The following TRIP4 variants were observed in gnomAD, a reference collection of about 807,000 sequenced individuals.
TRIP4 encodes the protein thyroid hormone receptor interactor 4.
TRIP4 carries 54 observed loss-of-function variants against 81.8 expected under a neutral mutation model. The ratio of observed to expected loss-of-function variants is 0.66; its 90% confidence interval spans 0.53 to 0.83. The LOEUF (loss-of-function observed/expected upper bound fraction) is 0.83, where lower values mean the gene tolerates loss of function less well. Among genes scored for constraint, TRIP4 ranks in the 40% least tolerant of loss-of-function variants. The pLI, the probability that TRIP4 is intolerant of heterozygous loss-of-function variation, is 0.00. For synonymous variants in TRIP4, 270 were observed against 242.8 expected (o/e 1.11, Z -1.04); for missense variants, 662 against 683.6 (o/e 0.97, Z 0.35).
chr15:64,396,956 T>C (rs776623566), intron 3 of TRIP4, among the ~76,000 whole-genome samples: 1 of 152,242 alleles, frequency 6.6e-6, no homozygotes, highest in Non-Finnish European at 1.5e-5. Flanking sequence ...TTTAGTGGTA[T>C]TGCATTTTGT....
chr15:64,424,325 A>C, intron 10 of TRIP4, 170 bp downstream of exon 10: 1 of 882,678 alleles, frequency 1.1e-6, no homozygotes, highest in East Asian at 2.7e-5. Context: ...TCAAAGCATT[A>C]ATCTGTCAAA....
intron 9 of TRIP4, among the ~76,000 whole-genome samples, chr15:64,421,173 T>C (rs1290391964): frequency 6.6e-5 from 10 of 150,666 alleles, no homozygotes; most frequent in Admixed American, 6.6e-4. Context: ...TCCCAGCTAC[T>C]CAAGAGGCTG....
At chr15:64,435,734 A>G (rs979412115) in intron 11 of TRIP4, among the ~76,000 whole-genome samples, 4 of 148,680 alleles carry the variant, frequency 2.7e-5, no homozygotes, top group African/African-American at 1.0e-4. Flanking sequence ...CTATCACATG[A>G]ATAGTGGAAT....
chr15:64,394,102 C>T lies in TRIP4; in HGVS notation c.258C>T (p.Cys86=), dbSNP rs150827497. 1.8e-3 allele frequency: 2,798 copies of T among 1,591,892 alleles called. 13 individuals are homozygous for T. The highest frequency in any genetic ancestry group is 1.9e-3 in the Non-Finnish European group (2,176 of 1,169,502). The part of the protein sequence containing the change: ...QELISDPLQQ[C]FKKDEILDGQ... Reference sequence around the variant, plus strand: ...TGATTTCGGATCCTTTGCAGCAGTGCTTCAAAAAAGATGGTAAGTTAATGT... The same window carrying T: ...TGATTTCGGATCCTTTGCAGCAGTGTTTCAAAAAAGATGGTAAGTTAATGT... Residue 86 remains cysteine (C), a synonymous_variant, in exon 2 of 13, where the codon TGC becomes TGT. Transcript: ENST00000261884.
Position 64,406,389 on chromosome 15 carries a change from T to C in TRIP4, c.757T>C (p.Leu253=), listed in dbSNP as rs761578993. The C allele has an allele frequency of 1.9e-6, 3 of 1,614,060 alleles. No homozygotes were observed. Among genetic ancestry groups the C allele is most frequent in the Non-Finnish European group, 2.5e-6 (3 of 1,180,034 alleles). ...CAAGGACCTTCTTCCTCATCAAGAATTGCGAATTAAGTCTGGTCTGGAGAA... is the reference window on the plus strand; with the variant it reads ...CAAGGACCTTCTTCCTCATCAAGAACTGCGAATTAAGTCTGGTCTGGAGAA... ...STKDLLPHQE[L]RIKSGLEKAI... Residue 253 remains leucine, a synonymous_variant, in exon 6 of 13, where the codon TTG becomes CTG. Coordinates refer to ENST00000261884, the MANE Select transcript of TRIP4 (RefSeq NM_016213.5).
intron 5 of TRIP4, among the ~76,000 whole-genome samples, chr15:64,404,586 C>T (rs1891582564): frequency 6.6e-6 from 1 of 152,140 alleles, no homozygotes; most frequent in South Asian, 2.1e-4. Flanking sequence ...GCTGGGATTA[C>T]AGGCATGAAC....
intron 12 of TRIP4, chr15:64,450,650 T>C (rs749366223): frequency 2.2e-6 from 1 of 455,844 alleles, no homozygotes; most frequent in South Asian, 1.5e-5. Context: ...TTGGCAAATG[T>C]CTGATTTTTT....
chr15:64,423,496 G>T (rs1036158858), intron 9 of TRIP4, among the ~76,000 whole-genome samples: 5 of 150,604 alleles, frequency 3.3e-5, no homozygotes, highest in African/African-American at 1.2e-4. Context: ...AAGCAAATGG[G>T]TGTGGTTCTA....
At chr15:64,398,818 A>G (rs541522047) in intron 4 of TRIP4, among the ~76,000 whole-genome samples, 1 of 152,202 alleles carries the variant, frequency 6.6e-6, no homozygotes, top group South Asian at 2.1e-4. Flanking sequence ...CTAGAAAGCT[A>G]ATTTTACCAA....
chr15:64,403,095 C>T (rs1281836648), intron 5 of TRIP4, among the ~76,000 whole-genome samples: 2 of 151,866 alleles, frequency 1.3e-5, no homozygotes, highest in South Asian at 4.2e-4. Flanking sequence ...ATCTCCTGAC[C>T]TTGTGATCCA....
At chr15:64,425,473 C>A in intron 10 of TRIP4, 67 bp from the exon 11 acceptor site, 1 of 1,323,036 alleles carries the variant, frequency 7.6e-7, no homozygotes, top group Non-Finnish European at 1.1e-6. Flanking sequence ...GAATTGAAAA[C>A]AGATTCCTGA....
chr15:64,452,820 A>G (rs1892800908), intron 12 of TRIP4, among the ~76,000 whole-genome samples: 1 of 152,166 alleles, frequency 6.6e-6, no homozygotes, highest in African/African-American at 2.4e-5. Flanking sequence ...GAGTTGATAA[A>G]AATTGAGGAC....
At chr15:64,421,728 T>C (rs748698271) in intron 9 of TRIP4, among the ~76,000 whole-genome samples, 1 of 152,184 alleles carries the variant, frequency 6.6e-6, no homozygotes, top group Non-Finnish European at 1.5e-5. Context: ...TACAGTAACA[T>C]GCTGTACCAG....
At chr15:64,395,940 G>C (rs1976062) in intron 3 of TRIP4, among the ~76,000 whole-genome samples, 1 of 150,128 alleles carries the variant, frequency 6.7e-6, no homozygotes. Context: ...ACAGAGTCTC[G>C]CTCTGTCGCC....
chr15:64,432,591 CAG>C (rs1428069606), intron 11 of TRIP4, among the ~76,000 whole-genome samples: 3 of 151,706 alleles, frequency 2.0e-5, no homozygotes, highest in Admixed American at 1.3e-4. Context: ...GCCTGGGTGA[CAG>C]AGCAAGACTC....
chr15:64,454,853 C>A, intron 12 of TRIP4, 144 bp from the exon 13 acceptor site: 1 of 677,398 alleles, frequency 1.5e-6, no homozygotes, highest in Non-Finnish European at 2.6e-6. Flanking sequence ...CAGAATGAAA[C>A]TCTGAAGTTT....
chr15:64,396,182 T>A (rs1055672019), intron 3 of TRIP4, among the ~76,000 whole-genome samples: 4 of 151,782 alleles, frequency 2.6e-5, no homozygotes, highest in African/African-American at 9.7e-5. Flanking sequence ...GTGCTAGGAT[T>A]ACAGGCGTGA....
In TRIP4 at chr15:64,392,621, G is replaced by A. The variant is rs1169787747; in HGVS notation, c.102-1325G>A. On this transcript the variant is annotated intron_variant, in intron 1 of 12. Transcript: ENST00000261884. ...GTGCTGGGAGCCATCATGCCCCACC[G>A]TTTTTGCTTGTTTGAGACAGAGTCT... Among the ~76,000 whole-genome samples the A allele has an allele frequency of 2.0e-5, 3 of 151,562 alleles. No homozygotes were observed. The East Asian group carries it at 5.8e-4, about 29-fold the overall frequency.
At chr15:64,391,304 G>A (rs1046799204) in intron 1 of TRIP4, among the ~76,000 whole-genome samples, 3 of 151,794 alleles carry the variant, frequency 2.0e-5, no homozygotes, top group African/African-American at 4.8e-5. Context: ...CTACAGGCGC[G>A]TGACACCATG....
Sources: allele counts gnomAD v4.1 joint callset (sites outside exome capture counted in the v4.1 genomes callset), GRCh38; gene constraint gnomAD v4.1.1; transcripts MANE v1.5; gene names NCBI Gene and HGNC (gene_info 2026-07-23, HGNC 2026-07-21).